MYO6: variants seen among roughly 807,000 people sequenced by gnomAD.
The protein encoded by MYO6 is unconventional myosin-VI.
MYO6 carries 74 observed loss-of-function variants against 178.7 expected under a neutral mutation model. The observed-to-expected ratio is 0.41, with a 90% CI of 0.34 to 0.50. The LOEUF is 0.50. Ranked by LOEUF, MYO6 falls within the 20% of genes least tolerant of loss-of-function variation. The probability of loss-of-function intolerance (pLI) is 0.09; values close to 1 mark genes in which losing one functional copy is unlikely to be tolerated. For synonymous variants in MYO6, 477 were observed against 504.6 expected (o/e 0.95, Z 0.73); for missense variants, 1,330 against 1,547.4 (o/e 0.86, Z 2.36).
chr6:75,779,430 A>G (rs1011374013), intron 1 of MYO6, among the ~76,000 whole-genome samples: 1 of 152,032 alleles, frequency 6.6e-6, no homozygotes, highest in African/African-American at 2.4e-5. Flanking sequence ...TGAACCCAGG[A>G]GGTGGAAGTT....
chr6:75,907,851 T>G (rs1434305176), intron 31 of MYO6, 143 bp downstream of exon 31: 3 of 686,688 alleles, frequency 4.4e-6, no homozygotes, highest in Middle Eastern at 3.4e-4. Context: ...CTATATTATC[T>G]GAATCTTTTG....
chr6:75,829,486 A>G (rs1459749768), intron 4 of MYO6, among the ~76,000 whole-genome samples: 3 of 152,070 alleles, frequency 2.0e-5, no homozygotes, highest in African/African-American at 7.2e-5. Flanking sequence ...CAGTTTGCCT[A>G]ATTGTACTTA....
intron 1 of MYO6, among the ~76,000 whole-genome samples, chr6:75,799,693 A>G (rs1769244715): frequency 6.6e-6 from 1 of 152,050 alleles, no homozygotes; most frequent in Non-Finnish European, 1.5e-5. Context: ...AAGGAATGAA[A>G]TGAAACAAGA....
rs959427588 is a variant in MYO6, at chr6:75,918,197, C to T, written c.*3185C>T. The T allele has an allele frequency of 6.6e-6, 1 of 151,848 alleles. No homozygotes were observed. Among genetic ancestry groups the T allele is most frequent in the Non-Finnish European group, 1.5e-5 (1 of 68,004 alleles). The allele number at this position is 151,848 out of a possible 1,614,324, so 9.4% of individuals were successfully genotyped here. ...GACAGGTTTTCCCTATTTATCATTA[C>T]CAATAATAACAAGTATTGAGAGTTT... On this transcript the variant is annotated 3_prime_UTR_variant, in exon 35 of 35. Transcript: ENST00000369977.
chr6:75,904,790 G>C (rs1780139912), intron 30 of MYO6, among the ~76,000 whole-genome samples: 1 of 152,204 alleles, frequency 6.6e-6, no homozygotes, highest in Non-Finnish European at 1.5e-5. Flanking sequence ...TTCCTTTGGA[G>C]GAGGAGAGGC....
chr6:75,909,019 T>C (rs900464672), intron 32 of MYO6, among the ~76,000 whole-genome samples: 3 of 152,118 alleles, frequency 2.0e-5, no homozygotes, highest in African/African-American at 7.2e-5. Context: ...CTAAAAAGGA[T>C]GATGGTTAGT....
At chr6:75,898,279 A>C in intron 29 of MYO6, 94 bp from the exon 30 acceptor site, 2 of 824,404 alleles carry the variant, frequency 2.4e-6, no homozygotes, top group South Asian at 2.0e-5. Context: ...AATAATATTG[A>C]AAATATATAT....
In MYO6 at chr6:75,908,624, T is replaced by TATGG; in HGVS notation, c.3410_3412+1dup. The TATGG allele has an allele frequency of 6.2e-7, 1 of 1,613,500 alleles. No individual in the cohort carries two copies. The highest frequency in any genetic ancestry group is 8.5e-7 in the Non-Finnish European group (1 of 1,179,594). ...ACGTGCTCCAAAGTCTGTTACTGATTATGGTAAAGAGAAATCTGTACTTTT... is the reference window on the plus strand; with the variant it reads ...ACGTGCTCCAAAGTCTGTTACTGATTATGGATGGTAAAGAGAAATCTGTACTTTT... On this transcript the variant is annotated frameshift_variant, in exon 32 of 35. Coordinates refer to ENST00000369977, the MANE Select transcript of MYO6 (RefSeq NM_004999.4). LOFTEE classifies it high-confidence loss of function.
chr6:75,883,397 G>C (rs1313357750), intron 23 of MYO6, among the ~76,000 whole-genome samples: 1 of 152,058 alleles, frequency 6.6e-6, no homozygotes, highest in East Asian at 1.9e-4. Flanking sequence ...AATAATAGGT[G>C]CTTTTTTTCT....
intron 29 of MYO6, among the ~76,000 whole-genome samples, chr6:75,895,748 C>G (rs1000129280): frequency 6.6e-6 from 1 of 152,046 alleles, no homozygotes; most frequent in African/African-American, 2.4e-5. Context: ...AATCTCTTGA[C>G]CTCGTGATCC....
intron 1 of MYO6, among the ~76,000 whole-genome samples, chr6:75,802,461 T>G (rs892427983): frequency 1.5e-5 from 2 of 137,038 alleles, no homozygotes; most frequent in Admixed American, 1.5e-4. Context: ...AGAGCGAGAC[T>G]CAGTATCAAA....
intron 7 of MYO6, among the ~76,000 whole-genome samples, chr6:75,837,833 G>A (rs1266841741): frequency 6.6e-6 from 1 of 152,044 alleles, no homozygotes; most frequent in Non-Finnish European, 1.5e-5. Flanking sequence ...ACTTTAGCGA[G>A]GGAGTCGTTC....
intron 30 of MYO6, among the ~76,000 whole-genome samples, chr6:75,899,995 T>C (rs1779620368): frequency 6.6e-6 from 1 of 150,744 alleles, no homozygotes; most frequent in Non-Finnish European, 1.5e-5. Flanking sequence ...GTTTGGTTTT[T>C]TGTTCTTGCG....
At chr6:75,894,715 A>G in intron 28 of MYO6, 1 of 716,004 alleles carries the variant, frequency 1.4e-6, no homozygotes, top group Non-Finnish European at 2.1e-6. Context: ...ACTGTTCTTA[A>G]TCTATAGCAT....
chr6:75,819,231 T>C (rs1189056111), intron 2 of MYO6, among the ~76,000 whole-genome samples: 1 of 152,044 alleles, frequency 6.6e-6, no homozygotes, highest in African/African-American at 2.4e-5. Context: ...TTCCACAAAG[T>C]TTTTTTTGAG....
intron 24 of MYO6, 92 bp from the exon 25 acceptor site, chr6:75,886,752 G>C: frequency 1.6e-6 from 2 of 1,223,000 alleles, no homozygotes; most frequent in Admixed American, 3.5e-5. Context: ...GAAAACAGAA[G>C]TGAAATACCC....
chr6:75,797,070 G>C (rs987451426), intron 1 of MYO6, among the ~76,000 whole-genome samples: 2 of 151,928 alleles, frequency 1.3e-5, no homozygotes, highest in Non-Finnish European at 2.9e-5. Context: ...TTCTTTTTCT[G>C]TGTGTGTATT....
At chr6:75,750,082 T>TA (rs1399388110) in intron 1 of MYO6, among the ~76,000 whole-genome samples, 2 of 148,988 alleles carry the variant, frequency 1.3e-5, no homozygotes, top group Non-Finnish European at 3.0e-5. Flanking sequence ...CCATACAGTT[T>TA]AAAAAATTCA....
intron 1 of MYO6, among the ~76,000 whole-genome samples, chr6:75,771,861 C>A (rs1045254968): frequency 6.6e-6 from 1 of 152,048 alleles, no homozygotes; most frequent in African/African-American, 2.4e-5. Context: ...AAAATTAAAT[C>A]TTTGTAAGTA....
Sources: allele counts gnomAD v4.1 joint callset (sites outside exome capture counted in the v4.1 genomes callset), GRCh38; gene constraint gnomAD v4.1.1; transcripts MANE v1.5; gene names NCBI Gene and HGNC (gene_info 2026-07-23, HGNC 2026-07-21).